GAREM2: variants seen among roughly 807,000 people sequenced by gnomAD.
GAREM2 encodes GRB2 associated regulator of MAPK1 subtype 2, also known as GRB2-associated and regulator of MAPK protein 2.
A neutral mutation model predicts 55.6 loss-of-function variants in GAREM2; 30 were observed. The observed-to-expected ratio is 0.54, with a 90% CI of 0.40 to 0.73. GAREM2 has a LOEUF of 0.73. Ranked by LOEUF, GAREM2 falls within the 30% of genes least tolerant of loss-of-function variation. GAREM2 has a pLI of 0.00. For synonymous variants in GAREM2, 550 were observed against 569.1 expected (o/e 0.97, Z 0.48); for missense variants, 1,075 against 1,257.7 (o/e 0.85, Z 2.20).
chr2:26,183,868 C>A (rs1270730495), intron 3 of GAREM2, among the ~76,000 whole-genome samples: 2 of 152,212 alleles, frequency 1.3e-5, no homozygotes, highest in African/African-American at 4.8e-5. Flanking sequence ...TATGATCGCC[C>A]AAATGGTAAA....
chr2:26,199,718 AATT>A, the GAREM2 span, among the ~76,000 whole-genome samples: 1 of 151,994 alleles, frequency 6.6e-6, no homozygotes. Context: ...TTATTTTTTA[AATT>A]ATTTATCTTT....
At chr2:26,177,815 C>T (rs185557201) in intron 2 of GAREM2, among the ~76,000 whole-genome samples, 152 of 152,162 alleles carry the variant, frequency 1.0e-3, no homozygotes, top group African/African-American at 3.6e-3. Flanking sequence ...TTAGTAGAGA[C>T]AGGGTTTCAC....
In GAREM2 at chr2:26,188,441, G is replaced by A. The variant is rs1669369623; in HGVS notation, c.*184G>A. 1 of 466,446 alleles carries A rather than the reference G, an allele frequency of 2.1e-6. No individual in the cohort carries two copies. The highest frequency in any genetic ancestry group is 3.7e-6 in the Non-Finnish European group (1 of 269,072). The allele number at this position is 466,446 out of a possible 1,614,324, so 28.9% of individuals were successfully genotyped here. On this transcript the variant is annotated 3_prime_UTR_variant, in exon 6 of 6. Coordinates refer to ENST00000401533, the MANE Select transcript of GAREM2 (RefSeq NM_001168241.2). ...GTCCTCTGGGGTCAGACCCCTGCAC[G>A]GGACATCTTGCCTTTGAGTGTGCAG... is the stretch of plus-strand genomic sequence containing the variant.
chr2:26,202,252 G>C, the GAREM2 span, among the ~76,000 whole-genome samples: 1 of 152,144 alleles, frequency 6.6e-6, no homozygotes, highest in Non-Finnish European at 1.5e-5. Flanking sequence ...AAGGATTCCT[G>C]TTATTCAGAC....
intron 5 of GAREM2, 146 bp from the exon 6 acceptor site, chr2:26,187,085 A>T (rs1574595377): frequency 1.6e-6 from 2 of 1,234,628 alleles, no homozygotes; most frequent in East Asian, 3.2e-5. Flanking sequence ...GAACACGGCC[A>T]TTCCGGAGGG....
downstream of GAREM2, among the ~76,000 whole-genome samples, chr2:26,194,273 T>C (rs1371146033): frequency 6.6e-6 from 1 of 152,132 alleles, no homozygotes; most frequent in Non-Finnish European, 1.5e-5. Context: ...CTGTTCTGGA[T>C]GGTCCCTGCC....
chr2:26,176,577 G>T, intron 2 of GAREM2, 93 bp downstream of exon 2: 1 of 1,202,148 alleles, frequency 8.3e-7, no homozygotes, highest in Non-Finnish European at 1.1e-6. Context: ...TGGGACTAGC[G>T]AGGCGGTGAT....
intron 1 of GAREM2, among the ~76,000 whole-genome samples, chr2:26,173,619 G>A (rs1668768619): frequency 6.6e-6 from 1 of 151,662 alleles, no homozygotes; most frequent in Non-Finnish European, 1.5e-5. Flanking sequence ...CCCTGCTCCC[G>A]CCCCGTCGGT....
chr2:26,199,439 T>C, the GAREM2 span: 1 of 152,242 alleles, frequency 6.6e-6, no homozygotes, highest in Non-Finnish European at 1.5e-5. Flanking sequence ...GCTTACGTAG[T>C]GTCAGGTTAC....
At chr2:26,191,331 T>C, downstream of GAREM2, 1 of 1,614,130 alleles carries the variant, frequency 6.2e-7, no homozygotes, top group South Asian at 1.1e-5. Context: ...CATAGGCAGC[T>C]TCATATTTCT....
chr2:26,202,365 AATG>A, the GAREM2 span, among the ~76,000 whole-genome samples: 1 of 152,178 alleles, frequency 6.6e-6, no homozygotes, highest in Non-Finnish European at 1.5e-5. Flanking sequence ...CTAAATGAAG[AATG>A]AAGCTAAACC....
chr2:26,176,581 C>T (rs1417982854), intron 2 of GAREM2, 97 bp downstream of exon 2: 21 of 1,172,726 alleles, frequency 1.8e-5, no homozygotes, highest in African/African-American at 1.1e-4. Context: ...ACTAGCGAGG[C>T]GGTGATTAGG....
In GAREM2 at chr2:26,187,911, C is replaced by G. The variant is rs746405715; in HGVS notation, c.2279C>G (p.Ala760Gly). 4 of 1,441,718 alleles carry G rather than the reference C, an allele frequency of 2.8e-6. No individual in the cohort carries two copies. The highest frequency in any genetic ancestry group is 3.7e-6 in the Non-Finnish European group (4 of 1,092,798). The allele number at this position is 1,441,718 out of a possible 1,614,324, so 89.3% of individuals were successfully genotyped here. The stretch of plus-strand genomic sequence containing the variant: ...CAGGTCCCCACCCCACTGTCACCAG[C>G]TGCTCTGCAGGGACCCGAGGCGGGA... ...LHQVPTPLSPAALQGPEAGGA... is the reference protein window; with the variant it reads ...LHQVPTPLSPGALQGPEAGGA... The change falls in exon 6 of 6, where the codon GCT becomes GGT. Residue 760 changes from alanine (A) to glycine (G), a missense_variant. By Grantham distance (60) the Ala-to-Gly change is moderately conservative (BLOSUM62 0). Around this residue, in one of 6 missense-constraint regions of GAREM2, gnomAD observed 142 missense variants for 172.3 expected, o/e 0.82. Coordinates refer to ENST00000401533, the MANE Select transcript of GAREM2 (RefSeq NM_001168241.2).
At chr2:26,173,829 G>C (rs867709210) in intron 1 of GAREM2, among the ~76,000 whole-genome samples, 2 of 152,292 alleles carry the variant, frequency 1.3e-5, no homozygotes, top group Middle Eastern at 3.4e-3. Flanking sequence ...GAGCAGCCTC[G>C]GTCCTGGGGC....
At chr2:26,197,240 T>C in the GAREM2 span, among the ~76,000 whole-genome samples, 19 of 152,258 alleles carry the variant, frequency 1.2e-4, no homozygotes, top group South Asian at 2.5e-3. Flanking sequence ...AGTGCTTCTA[T>C]ACCCAGCCCT....
chr2:26,191,629 C>T, downstream of GAREM2: 1 of 1,613,808 alleles, frequency 6.2e-7, no homozygotes, highest in East Asian at 2.2e-5. Flanking sequence ...GTCTGATGAG[C>T]TGCCAACAGA....
intron 2 of GAREM2, chr2:26,182,065 G>A: frequency 9.6e-7 from 1 of 1,043,106 alleles, no homozygotes; most frequent in South Asian, 3.9e-5. Context: ...ACTGTATAAA[G>A]CTTGAGAAGA....
chr2:26,195,418 T>C, the GAREM2 span, among the ~76,000 whole-genome samples: 2 of 152,192 alleles, frequency 1.3e-5, no homozygotes, highest in South Asian at 4.1e-4. Context: ...GGAGAGCACA[T>C]TGGAATCCTC....
At chr2:26,202,554 A>T in the GAREM2 span, among the ~76,000 whole-genome samples, 1 of 152,328 alleles carries the variant, frequency 6.6e-6, no homozygotes, top group African/African-American at 2.4e-5. Context: ...AAGCCTAACC[A>T]ACATGGTGAA....
Sources: allele counts gnomAD v4.1 joint callset (sites outside exome capture counted in the v4.1 genomes callset), GRCh38; gene constraint gnomAD v4.1.1; regional missense constraint gnomAD v4.1.1; transcripts MANE v1.5; gene names NCBI Gene and HGNC (gene_info 2026-07-23, HGNC 2026-07-21).